SH3RF3: variants seen among roughly 807,000 people sequenced by gnomAD.
The protein encoded by SH3RF3 is SH3 domain containing ring finger 3.
In SH3RF3, 29 loss-of-function variants were observed where a neutral mutation model predicts 66.3. The observed-to-expected ratio is 0.44, with a 90% CI of 0.33 to 0.60. SH3RF3 has a LOEUF of 0.60. SH3RF3 is among the 20% of genes least tolerant of loss of function. The pLI is 0.04. For synonymous variants in SH3RF3, 583 were observed against 532.0 expected (o/e 1.10, Z -1.32); for missense variants, 1,194 against 1,190.9 (o/e 1.00, Z -0.04).
intron 8 of SH3RF3, among the ~76,000 whole-genome samples, chr2:109,486,199 C>G (rs1678972801): frequency 6.6e-6 from 1 of 152,208 alleles, no homozygotes; most frequent in Non-Finnish European, 1.5e-5. Context: ...GCATGACGAC[C>G]ATTGGCTTCT....
intron 7 of SH3RF3, among the ~76,000 whole-genome samples, chr2:109,440,719 G>C (rs1677536660): frequency 6.6e-6 from 1 of 152,204 alleles, no homozygotes; most frequent in Non-Finnish European, 1.5e-5. Flanking sequence ...GGAGATCAGA[G>C]TTTGTGTGAC....
At chr2:109,330,420 CCTTAGTCATG>C (rs779887451) in intron 1 of SH3RF3, among the ~76,000 whole-genome samples, 4 of 151,940 alleles carry the variant, frequency 2.6e-5, no homozygotes, top group African/African-American at 4.8e-5. Context: ...GTTGATTATT[CCTTAGTCATG>C]TATATTCGAT....
At chr2:109,170,843 G>A (rs746259928) in intron 1 of SH3RF3, among the ~76,000 whole-genome samples, 12 of 152,324 alleles carry the variant, frequency 7.9e-5, no homozygotes, top group Admixed American at 4.6e-4. Flanking sequence ...CAGAGAGGGC[G>A]CTTTTCTCCC....
At chr2:109,370,196 T>G (rs1683237397) in intron 2 of SH3RF3, among the ~76,000 whole-genome samples, 1 of 60,284 alleles carries the variant, frequency 1.7e-5, no homozygotes, top group South Asian at 7.6e-4. Context: ...TGGTGGTCTC[T>G]GTCTCTGTCT....
intron 4 of SH3RF3, among the ~76,000 whole-genome samples, chr2:109,403,926 G>C (rs982770953): frequency 6.6e-6 from 1 of 152,216 alleles, no homozygotes; most frequent in Non-Finnish European, 1.5e-5. Flanking sequence ...GCGTGCGTGC[G>C]GGCTGCCCTC....
chr2:109,448,895 TTGGCAAAGC>T (rs1486292582), intron 7 of SH3RF3, among the ~76,000 whole-genome samples: 1 of 152,204 alleles, frequency 6.6e-6, no homozygotes, highest in Non-Finnish European at 1.5e-5. Flanking sequence ...CATGGCAACC[TTGGCAAAGC>T]TGTTTTAGCT....
intron 1 of SH3RF3, among the ~76,000 whole-genome samples, chr2:109,220,714 G>A (rs1396222468): frequency 2.0e-5 from 3 of 148,182 alleles, no homozygotes. Flanking sequence ...GAACCACAGT[G>A]AGAAACCATT....
chr2:109,283,005 C>G (rs1680933512), intron 1 of SH3RF3, among the ~76,000 whole-genome samples: 1 of 152,188 alleles, frequency 6.6e-6, no homozygotes, highest in Non-Finnish European at 1.5e-5. Context: ...GGGGTGACTG[C>G]TTGGCATGGG....
chr2:109,154,366 G>T (rs1242814346), intron 1 of SH3RF3, among the ~76,000 whole-genome samples: 2 of 152,154 alleles, frequency 1.3e-5, no homozygotes, highest in Non-Finnish European at 2.9e-5. Context: ...GAAGCTTCTG[G>T]GTAGGGAGTA....
chr2:109,412,319 G>T lies in SH3RF3; in HGVS notation c.1300-7220G>T, dbSNP rs527443348. 3.9e-5 allele frequency among the ~76,000 whole-genome samples: 6 copies of T among 152,334 alleles called. No homozygotes were observed. In the South Asian group the frequency reaches 1.2e-3, roughly 32 times the overall value. ...CAGCTCCAGGACATTGGGAGGTGGA[G>T]ATCCAAGTGCCGGGGCAGGCTTCAG... On this transcript the variant is annotated intron_variant, in intron 4 of 9. Coordinates refer to ENST00000309415, the MANE Select transcript of SH3RF3 (RefSeq NM_001099289.3).
At chr2:109,209,983 GC>G (rs138057418) in intron 1 of SH3RF3, among the ~76,000 whole-genome samples, 13 of 152,030 alleles carry the variant, frequency 8.6e-5, no homozygotes, top group Admixed American at 6.6e-5. Context: ...TCCACGCTCA[GC>G]CCCCCCAGTA....
intron 2 of SH3RF3, among the ~76,000 whole-genome samples, chr2:109,364,113 A>G (rs574020390): frequency 1.3e-4 from 20 of 149,096 alleles, no homozygotes; most frequent in African/African-American, 4.9e-4. Flanking sequence ...TTGCCCCACA[A>G]TTCTTGCTTT....
chr2:109,209,028 G>A (rs1470128510), intron 1 of SH3RF3, among the ~76,000 whole-genome samples: 1 of 152,212 alleles, frequency 6.6e-6, no homozygotes, highest in Non-Finnish European at 1.5e-5. Context: ...CAGAGTGGCA[G>A]TGCTGGCCCC....
At chr2:109,481,243 C>G (rs1200100180) in intron 8 of SH3RF3, among the ~76,000 whole-genome samples, 1 of 152,228 alleles carries the variant, frequency 6.6e-6, no homozygotes, top group Non-Finnish European at 1.5e-5. Flanking sequence ...CCACACAGGT[C>G]TCTCTGTGCT....
chr2:109,220,800 G>T (rs1679211158), intron 1 of SH3RF3, among the ~76,000 whole-genome samples: 1 of 152,216 alleles, frequency 6.6e-6, no homozygotes, highest in Admixed American at 6.5e-5. Flanking sequence ...TGTTATGCTA[G>T]TGGGCATATA....
chr2:109,319,453 T>A (rs1347136856), intron 1 of SH3RF3, among the ~76,000 whole-genome samples: 8 of 152,086 alleles, frequency 5.3e-5, no homozygotes, highest in Admixed American at 5.2e-4. Flanking sequence ...GATTTACAAG[T>A]GATTCGTTTT....
intron 1 of SH3RF3, among the ~76,000 whole-genome samples, chr2:109,290,004 C>A (rs916853599): frequency 6.6e-6 from 1 of 152,168 alleles, no homozygotes; most frequent in African/African-American, 2.4e-5. Flanking sequence ...CTGGGGGGAC[C>A]TTGTTAAAAT....
chr2:109,490,338 C>G (rs1333606711), intron 8 of SH3RF3, among the ~76,000 whole-genome samples: 1 of 152,150 alleles, frequency 6.6e-6, no homozygotes. Context: ...AGCTCCAGGT[C>G]CTCTGCTTTA....
At chr2:109,335,010 A>G (rs1682376899) in intron 1 of SH3RF3, among the ~76,000 whole-genome samples, 1 of 152,132 alleles carries the variant, frequency 6.6e-6, no homozygotes, top group Admixed American at 6.5e-5. Context: ...GATTTATGTC[A>G]CCGCGTTGGC....
Sources: allele counts gnomAD v4.1 joint callset (sites outside exome capture counted in the v4.1 genomes callset), GRCh38; gene constraint gnomAD v4.1.1; transcripts MANE v1.5; gene names NCBI Gene and HGNC (gene_info 2026-07-23, HGNC 2026-07-21).